IRF2BP2: variants seen among roughly 807,000 people sequenced by gnomAD.
IRF2BP2 encodes the protein interferon regulatory factor 2 binding protein 2.
Under a neutral mutation model 32.7 loss-of-function variants are expected in IRF2BP2, and 13 were observed. That is an observed-to-expected ratio of 0.40 (90% confidence interval 0.26 to 0.63). IRF2BP2 has a LOEUF of 0.63. IRF2BP2 is among the 30% of genes least tolerant of loss of function. The pLI is 0.42. For synonymous variants in IRF2BP2, 555 were observed against 384.6 expected (o/e 1.44, Z -5.18); for missense variants, 980 against 830.6 (o/e 1.18, Z -2.21).
chr1:234,607,071 G>T lies in IRF2BP2; in HGVS notation c.*66C>A. 5.9e-6 allele frequency: 6 copies of T among 1,014,224 alleles called. No individual in the cohort carries two copies. The South Asian group carries it at 6.0e-5, about 10-fold the overall frequency. The allele number at this position is 1,014,224 out of a possible 1,614,324, so 62.8% of individuals were successfully genotyped here. A position where few individuals can be genotyped will look rare whatever the true frequency, so the allele number is the denominator to read the frequency against. On this transcript the variant is annotated 3_prime_UTR_variant, in exon 2 of 2. Coordinates refer to ENST00000366609, the MANE Select transcript of IRF2BP2 (RefSeq NM_182972.3). The stretch of plus-strand genomic sequence containing the variant: ...TGTCTTGGATATATATATATATGGA[G>T]ATATATATACAATTCAAGCAGTTTT...
In IRF2BP2 at chr1:234,608,474, C is replaced by G; in HGVS notation, c.1021G>C (p.Ala341Pro). Residue 341 changes from alanine to proline, a missense_variant, in exon 1 of 2, where the codon GCC becomes CCC. Ala to Pro is a conservative substitution (Grantham distance 27). Coordinates refer to ENST00000366609, the MANE Select transcript of IRF2BP2 (RefSeq NM_182972.3). ...LTAGRLLGFE[A>P]NGANGSKAVA... The stretch of plus-strand genomic sequence containing the variant: ...GCTTTAGACCCGTTGGCCCCGTTGG[C>G]CTCGAAACCCAACAACCTGCCTGCA... 3 of 1,596,158 alleles carry G rather than the reference C, an allele frequency of 1.9e-6. No individual in the cohort carries two copies. The highest frequency in any genetic ancestry group is 2.6e-6 in the Non-Finnish European group (3 of 1,169,902).
In IRF2BP2 at chr1:234,609,464, A is replaced by ACGCGGC. The variant is rs1672279327; in HGVS notation, c.25_30dup (p.Ala9_Ala10dup). The stretch of plus-strand genomic sequence containing the variant: ...CACAGGTAGCACGACTGCCGCCGGG[A>ACGCGGC]CGCGGCCGCCACCGCCACCGCCGCG... On this transcript the variant is annotated inframe_insertion, in exon 1 of 2. Transcript: ENST00000366609. The ACGCGGC allele has an allele frequency of 1.3e-6, 2 of 1,517,170 alleles. No homozygotes were observed. Among genetic ancestry groups the ACGCGGC allele is most frequent in the Non-Finnish European group, 1.8e-6 (2 of 1,134,366 alleles). The allele number at this position is 1,517,170 out of a possible 1,614,324, so 94.0% of individuals were successfully genotyped here.
Position 234,607,433 on chromosome 1 carries a change from G to A in IRF2BP2, c.1468C>T (p.Pro490Ser), listed in dbSNP as rs1672193696. Residue 490 changes from proline (P) to serine (S), a missense_variant, in exon 2 of 2, where the codon CCT becomes TCT. Pro to Ser is a moderately conservative substitution (Grantham distance 74). Coordinates refer to ENST00000366609, the MANE Select transcript of IRF2BP2 (RefSeq NM_182972.3). ...AGAGAGGAGTCCGGGAGGCTGGCAG[G>A]GTGCACTGGCTCCAGTCCTCCTGTG... Reference protein sequence around the residue: ...GNTGGLEPVHPASLPDSSLAT... With the variant: ...GNTGGLEPVHSASLPDSSLAT... The A allele has an allele frequency of 1.2e-6, 2 of 1,614,064 alleles. No individual in the cohort carries two copies. Among genetic ancestry groups the A allele is most frequent in the Non-Finnish European group, 1.7e-6 (2 of 1,179,936 alleles).
In IRF2BP2 at chr1:234,607,518, C is replaced by A; in HGVS notation, c.1383G>T (p.Pro461=). ...CCAGCCTTCTTTGGTTCATAGAGGA[C>A]GGAGAGGGCGGACTGTTGCTATTCC... ...TRRNSNSPPS[P]SSMNQRRLGP... Residue 461 remains proline, a synonymous_variant, in exon 2 of 2, where the codon CCG becomes CCT. Coordinates refer to ENST00000366609, the MANE Select transcript of IRF2BP2 (RefSeq NM_182972.3). The A allele has an allele frequency of 1.2e-6, 2 of 1,614,110 alleles. No individual in the cohort carries two copies. Among genetic ancestry groups the A allele is most frequent in the Non-Finnish European group, 1.7e-6 (2 of 1,179,972 alleles).
At position 234,608,617 on chromosome 1, in the gene IRF2BP2, G is replaced by C; in HGVS notation, c.878C>G (p.Ser293Cys). 6.3e-7 allele frequency: 1 copy of C among 1,579,292 alleles called. No homozygotes were observed. The highest frequency in any genetic ancestry group is 1.1e-5 in the South Asian group (1 of 87,050). Reference sequence around the variant, plus strand: ...CCTGTTGACCCAGTCCTGCTCTCCAGACCCGCGGCTCTTGCCCGCACCTTC... The same window carrying C: ...CCTGTTGACCCAGTCCTGCTCTCCACACCCGCGGCTCTTGCCCGCACCTTC... ...SAEGAGKSRG[S>C]GEQDWVNRPK... is the part of the protein sequence containing the mutation. The change falls in exon 1 of 2, where the codon TCT becomes TGT. Residue 293 changes from serine to cysteine, a missense_variant. Ser to Cys is a moderately radical substitution (Grantham distance 112, BLOSUM62 -1). Coordinates refer to ENST00000366609, the MANE Select transcript of IRF2BP2 (RefSeq NM_182972.3).
rs900338349 is a variant in IRF2BP2 at position 234,609,703 on chromosome 1, G to A, written c.-209C>T. ...GCAGCGCCCCCGGTGCACGAGGGGC[G>A]GCGGGCGCGAGGTGAGGGGCTGCAG... On this transcript the variant is annotated 5_prime_UTR_variant, in exon 1 of 2. Coordinates refer to ENST00000366609, the MANE Select transcript of IRF2BP2 (RefSeq NM_182972.3). Among the ~76,000 whole-genome samples the A allele has an allele frequency of 3.2e-4, 46 of 144,862 alleles. No individual in the cohort carries two copies. The highest frequency in any genetic ancestry group is 6.9e-4 in the Non-Finnish European group (45 of 65,208).
In IRF2BP2 at chr1:234,608,738, C is replaced by T; in HGVS notation, c.757G>A (p.Glu253Lys). 6.7e-7 allele frequency: 1 copy of T among 1,499,354 alleles called. No individual in the cohort carries two copies. Among genetic ancestry groups the T allele is most frequent in the Non-Finnish European group, 8.8e-7 (1 of 1,134,600 alleles). 92.9% of individuals were successfully genotyped at this position (1,499,354 alleles called of 1,614,324 possible). ...GGTTGTTTCTCCTTGGCTGCCGCCT[C>T]ACGCTGCTCGTGCTCCACGGCAGCG... ...SSAAVEHEQREAAAKEKQPPP... is the reference protein window; with the variant it reads ...SSAAVEHEQRKAAAKEKQPPP... The change falls in exon 1 of 2, where the codon GAG (glutamate) becomes AAG (lysine). Residue 253 changes from glutamate (E) to lysine (K), a missense_variant. Coordinates refer to ENST00000366609, the MANE Select transcript of IRF2BP2 (RefSeq NM_182972.3).
chr1:234,608,048 G>A (rs1252547136), intron 1 of IRF2BP2, 196 bp from the exon 2 acceptor site: 5 of 576,428 alleles, frequency 8.7e-6, no homozygotes, highest in South Asian at 2.4e-5. Context: ...TTCTGAGGCA[G>A]CAGACTGATT....
chr1:234,604,783 T>G lies in IRF2BP2; in HGVS notation c.*2354A>C, dbSNP rs1463330558. On this transcript the variant is annotated 3_prime_UTR_variant, in exon 2 of 2. Transcript: ENST00000366609. ...GGAGAATCTCTGCACTGTCATCAGGTACAACAAAAGATCAAACCCATGTCC... is the reference window on the plus strand; with the variant it reads ...GGAGAATCTCTGCACTGTCATCAGGGACAACAAAAGATCAAACCCATGTCC... The G allele has an allele frequency of 6.6e-6, 1 of 152,172 alleles. No individual in the cohort carries two copies. The highest frequency in any genetic ancestry group is 2.4e-5 in the African/African-American group (1 of 41,444). The allele number at this position is 152,172 out of a possible 1,614,324, so 9.4% of individuals were successfully genotyped here. A position where few individuals can be genotyped will look rare whatever the true frequency, so the allele number is the denominator to read the frequency against.
In IRF2BP2 at chr1:234,608,949, G is replaced by C. The variant is rs773934614; in HGVS notation, c.546C>G (p.His182Gln). Residue 182 changes from histidine to glutamine, a missense_variant, in exon 1 of 2, where the codon CAC (histidine) becomes CAG (glutamine). Transcript: ENST00000366609. ...GCGGCACCAGGGTGGGCGGCACCGC[G>C]TGGCCGCGCCGCGGGTTCGGGCTCT... ...NRQSPNPRRGHAVPPTLVPLM... is the reference protein window; with the variant it reads ...NRQSPNPRRGQAVPPTLVPLM... 2.9e-6 allele frequency: 4 copies of C among 1,360,850 alleles called. No homozygotes were observed. The highest frequency in any genetic ancestry group is 2.0e-5 in the South Asian group (1 of 49,270). 84.3% of individuals were successfully genotyped at this position (1,360,850 alleles called of 1,614,324 possible). A position where few individuals can be genotyped will look rare whatever the true frequency, so the allele number is the denominator to read the frequency against.
In IRF2BP2 at chr1:234,607,034, C is replaced by T. The variant is rs1672182549; in HGVS notation, c.*103G>A. 4 of 859,110 alleles carry T rather than the reference C, an allele frequency of 4.7e-6. No homozygotes were observed. Among genetic ancestry groups the T allele is most frequent in the Admixed American group, 4.7e-5 (2 of 42,484 alleles). 53.2% of individuals were successfully genotyped at this position (859,110 alleles called of 1,614,324 possible). On this transcript the variant is annotated 3_prime_UTR_variant, in exon 2 of 2. Coordinates refer to ENST00000366609, the MANE Select transcript of IRF2BP2 (RefSeq NM_182972.3). The stretch of plus-strand genomic sequence containing the variant: ...AATTATACAGCCATGTTTATGAAGT[C>T]TACATTTCCCTTGTCTTGGATATAT...
chr1:234,607,197 T>C lies in IRF2BP2; in HGVS notation c.1704A>G (p.Gln568=). The C allele has an allele frequency of 6.2e-7, 1 of 1,613,966 alleles. No homozygotes were observed. The highest frequency in any genetic ancestry group is 2.2e-5 in the East Asian group (1 of 44,886). ...VGSNVPWAFM[Q]GEIATILAGD... ...CAGCAAGGATGGTTGCAATTTCCCC[T>C]TGCATAAAGGCCCAGGGGACATTGG... The change falls in exon 2 of 2, where the codon CAA becomes CAG. Residue 568 remains glutamine (Q), a synonymous_variant. Coordinates refer to ENST00000366609, the MANE Select transcript of IRF2BP2 (RefSeq NM_182972.3).
Position 234,610,169 on chromosome 1 carries a change from C to A in IRF2BP2, c.-675G>T, listed in dbSNP as rs1214647849. 3.4e-5 allele frequency among the ~76,000 whole-genome samples: 5 copies of A among 148,672 alleles called. No homozygotes were observed. The highest frequency in any genetic ancestry group is 6.0e-5 in the Non-Finnish European group (4 of 66,620). On this transcript the variant is annotated 5_prime_UTR_variant, in exon 1 of 2. Coordinates refer to ENST00000366609, the MANE Select transcript of IRF2BP2 (RefSeq NM_182972.3). ...TGCTGCTGCTGCCGCCGCGACCGCT[C>A]CACTTCTACAGACTTGATTCTTCGA...
chr1:234,608,163 T>C lies in IRF2BP2; in HGVS notation c.1048+284A>G, dbSNP rs985322919. 17 of 524,070 alleles carry C rather than the reference T, an allele frequency of 3.2e-5. No homozygotes were observed. In the Admixed American group the frequency reaches 3.9e-4, roughly 12 times the overall value. 32.5% of individuals were successfully genotyped at this position (524,070 alleles called of 1,614,324 possible). On this transcript the variant is annotated intron_variant, in intron 1 of 1. Coordinates refer to ENST00000366609, the MANE Select transcript of IRF2BP2 (RefSeq NM_182972.3). The stretch of plus-strand genomic sequence containing the variant: ...ACATGTGACTGCTAATGTCCCCCAA[T>C]AGGTTAAAAGGTGACTGGTGCCCTC...
In IRF2BP2 at chr1:234,606,787, T is replaced by C. The variant is rs1672173000; in HGVS notation, c.*350A>G. The stretch of plus-strand genomic sequence containing the variant: ...ATGTATTTGGCTTTTTTTTTCTTTT[T>C]AAAATAAGTGCATACAAATACAGCT... On this transcript the variant is annotated 3_prime_UTR_variant, in exon 2 of 2. Coordinates refer to ENST00000366609, the MANE Select transcript of IRF2BP2 (RefSeq NM_182972.3). 6.1e-6 allele frequency: 1 copy of C among 164,078 alleles called. No homozygotes were observed. The highest frequency in any genetic ancestry group is 2.4e-5 in the African/African-American group (1 of 41,778). The allele number at this position is 164,078 out of a possible 1,614,324, so 10.2% of individuals were successfully genotyped here.
At chr1:234,608,155 T>G (rs1672218599) in intron 1 of IRF2BP2, 1 of 526,428 alleles carries the variant, frequency 1.9e-6, no homozygotes, top group Admixed American at 3.6e-5. Flanking sequence ...ACTGCTAATG[T>G]CCCCCAATAG....
At position 234,606,941 on chromosome 1, in the gene IRF2BP2, T is replaced by C. The variant is rs1672178563; in HGVS notation, c.*196A>G. ...ATAACGTTAACAAAAGAAAAAAATG[T>C]CTTTATAAGTACATACCTTTTGTCG... On this transcript the variant is annotated 3_prime_UTR_variant, in exon 2 of 2. Transcript: ENST00000366609. 1 of 481,370 alleles carries C rather than the reference T, an allele frequency of 2.1e-6. No individual in the cohort carries two copies. Among genetic ancestry groups the C allele is most frequent in the Non-Finnish European group, 3.7e-6 (1 of 272,902 alleles). The allele number at this position is 481,370 out of a possible 1,614,324, so 29.8% of individuals were successfully genotyped here.
chr1:234,609,542 G>A lies in IRF2BP2; in HGVS notation c.-48C>T, dbSNP rs763416472. On this transcript the variant is annotated 5_prime_UTR_variant, in exon 1 of 2. Coordinates refer to ENST00000366609, the MANE Select transcript of IRF2BP2 (RefSeq NM_182972.3). ...GAGGAGGAGGCGGAGGAGGAGGAGG[G>A]GGCGCCGCCGCCGCCCCCCACCGGC... 10 of 1,184,696 alleles carry A rather than the reference G, an allele frequency of 8.4e-6. No individual in the cohort carries two copies. Among genetic ancestry groups the A allele is most frequent in the African/African-American group, 1.6e-5 (1 of 61,642 alleles). The allele number at this position is 1,184,696 out of a possible 1,614,324, so 73.4% of individuals were successfully genotyped here.
At chr1:234,607,898 G>A (rs1246329072) in intron 1 of IRF2BP2, 46 bp from the exon 2 acceptor site, 3 of 1,417,092 alleles carry the variant, frequency 2.1e-6, no homozygotes, top group Middle Eastern at 1.9e-4. Flanking sequence ...ATAAGTGGCG[G>A]TGCACTGAAA....
Sources: allele counts gnomAD v4.1 joint callset (sites outside exome capture counted in the v4.1 genomes callset), GRCh38; gene constraint gnomAD v4.1.1; transcripts MANE v1.5; gene names NCBI Gene and HGNC (gene_info 2026-07-23, HGNC 2026-07-21).